NME7: variants seen among roughly 807,000 people sequenced by gnomAD.
NME7 encodes nucleoside diphosphate kinase 7.
Under a neutral mutation model 49.1 loss-of-function variants are expected in NME7, and 41 were observed. The ratio of observed to expected loss-of-function variants is 0.83; its 90% CI spans 0.65 to 1.08. The LOEUF (loss-of-function observed/expected upper bound fraction) is 1.08. Among genes scored for constraint, NME7 ranks in the 50% least tolerant of loss-of-function variants. The probability of loss-of-function intolerance (pLI) is 0.00; values close to 1 mark genes in which losing one functional copy is unlikely to be tolerated. For synonymous variants in NME7, 139 were observed against 150.6 expected (o/e 0.92, Z 0.56); for missense variants, 423 against 463.4 (o/e 0.91, Z 0.80).
intron 9 of NME7, among the ~76,000 whole-genome samples, chr1:169,233,619 G>A (rs1571312304): frequency 6.6e-6 from 1 of 152,132 alleles, no homozygotes; most frequent in East Asian, 1.9e-4. Flanking sequence ...AGCTAAAAGA[G>A]GAGGAAAAGG....
chr1:169,283,724 T>C (rs1650141325), intron 7 of NME7: 1 of 152,198 alleles, frequency 6.6e-6, no homozygotes, highest in Non-Finnish European at 1.5e-5. Context: ...TGGCTGGATA[T>C]GAAATTCTGG....
intron 10 of NME7, among the ~76,000 whole-genome samples, chr1:169,180,704 AGAAGT>A (rs1373866556): frequency 1.3e-5 from 2 of 152,244 alleles, no homozygotes; most frequent in Non-Finnish European, 2.9e-5. Context: ...CACATTAATA[AGAAGT>A]GAAATTAATT....
At position 169,256,345 on chromosome 1, in the gene NME7, G is replaced by C. The variant is rs960939459; in HGVS notation, c.755-18658C>G. ...TCCATCACTGAAACCCTTTCTTCCA[G>C]TTGATCGCATCGACTCCTGAGGCTT... On this transcript the variant is annotated intron_variant, in intron 7 of 11. Transcript: ENST00000367811. Among the ~76,000 whole-genome samples the C allele has an allele frequency of 6.0e-5, 8 of 133,934 alleles. 2 individuals carry two copies. Among genetic ancestry groups the C allele is most frequent in the Non-Finnish European group, 1.2e-4 (7 of 56,978 alleles). The allele number at this position is 133,934 out of a possible 152,430, so 87.9% of individuals were successfully genotyped here.
At chr1:169,343,844 G>A (rs1034275317) in intron 1 of NME7, among the ~76,000 whole-genome samples, 1 of 152,124 alleles carries the variant, frequency 6.6e-6, no homozygotes, top group African/African-American at 2.4e-5. Flanking sequence ...AAACCAGAAA[G>A]TATAAGTCTT....
intron 7 of NME7, among the ~76,000 whole-genome samples, chr1:169,282,739 T>C (rs1650075943): frequency 6.6e-6 from 1 of 152,226 alleles, no homozygotes; most frequent in African/African-American, 2.4e-5. Flanking sequence ...GTTGTTCAGT[T>C]TCCATGTATT....
At chr1:169,168,103 A>T (rs1448184111) in intron 11 of NME7, among the ~76,000 whole-genome samples, 3 of 152,178 alleles carry the variant, frequency 2.0e-5, no homozygotes, top group African/African-American at 4.8e-5. Context: ...AGATCTCAGG[A>T]GTTGGGCAAG....
chr1:169,177,346 CTTGCTG>C (rs1178642035), intron 10 of NME7, among the ~76,000 whole-genome samples: 6 of 152,210 alleles, frequency 3.9e-5, no homozygotes, highest in African/African-American at 1.4e-4. Context: ...AGATTTTATA[CTTGCTG>C]GTCTATCTGG....
intron 3 of NME7, among the ~76,000 whole-genome samples, chr1:169,321,824 G>A (rs1651861028): frequency 6.6e-6 from 1 of 151,974 alleles, no homozygotes; most frequent in African/African-American, 2.4e-5. Flanking sequence ...TCAAAAAATA[G>A]TTTGATTGAT....
At chr1:169,258,214 G>A (rs1273982798) in intron 7 of NME7, among the ~76,000 whole-genome samples, 1 of 127,394 alleles carries the variant, frequency 7.8e-6, no homozygotes, top group Admixed American at 7.8e-5. Context: ...GCACGTGTCT[G>A]TAGTGCCAGC....
At chr1:169,146,022 T>C (rs1658737535) in intron 11 of NME7, among the ~76,000 whole-genome samples, 1 of 152,222 alleles carries the variant, frequency 6.6e-6, no homozygotes, top group South Asian at 2.1e-4. Flanking sequence ...GCTTCTAGCA[T>C]ACCTGTAACC....
chr1:169,319,046 T>C, intron 3 of NME7, among the ~76,000 whole-genome samples: 1 of 150,688 alleles, frequency 6.6e-6, no homozygotes, highest in Non-Finnish European at 1.5e-5. Flanking sequence ...TTAATTTTAA[T>C]TTTAATTTTA....
intron 1 of NME7, among the ~76,000 whole-genome samples, chr1:169,353,540 T>C (rs927644885): frequency 6.6e-6 from 1 of 151,974 alleles, no homozygotes; most frequent in Non-Finnish European, 1.5e-5. Context: ...AAAGCAATCA[T>C]GGATAAATTG....
chr1:169,236,548 A>C (rs1014524105), intron 8 of NME7, among the ~76,000 whole-genome samples: 2 of 152,080 alleles, frequency 1.3e-5, no homozygotes, highest in Non-Finnish European at 2.9e-5. Flanking sequence ...ACATTTCTAT[A>C]TTTTTTTAAA....
At chr1:169,134,997 A>G (rs1658381749) in intron 11 of NME7, among the ~76,000 whole-genome samples, 1 of 97,658 alleles carries the variant, frequency 1.0e-5, no homozygotes, top group Non-Finnish European at 2.0e-5. Context: ...CAACATAAGG[A>G]GATCCCCCCG....
intron 1 of NME7, among the ~76,000 whole-genome samples, chr1:169,341,148 T>C (rs1023767721): frequency 1.3e-5 from 2 of 151,616 alleles, no homozygotes; most frequent in African/African-American, 4.9e-5. Context: ...GAGAGAAAAA[T>C]GGTTTTGTGG....
At chr1:169,174,453 T>G (rs1056084125) in intron 10 of NME7, among the ~76,000 whole-genome samples, 3 of 152,136 alleles carry the variant, frequency 2.0e-5, no homozygotes, top group African/African-American at 7.2e-5. Flanking sequence ...AATTTACTAA[T>G]TACAGAAAAA....
intron 7 of NME7, among the ~76,000 whole-genome samples, chr1:169,262,640 G>C (rs78696996): frequency 7.5e-6 from 1 of 132,806 alleles, no homozygotes; most frequent in Admixed American, 7.3e-5. Context: ...CCAGTCTGTC[G>C]GGGCTCAGTG....
At chr1:169,210,612 C>T (rs1416012052) in intron 10 of NME7, among the ~76,000 whole-genome samples, 2 of 145,752 alleles carry the variant, frequency 1.4e-5, no homozygotes, top group African/African-American at 2.5e-5. Context: ...ACACACACTC[C>T]ATCAGAATAA....
At chr1:169,306,888 T>C (rs764558407) in intron 4 of NME7, among the ~76,000 whole-genome samples, 1 of 152,144 alleles carries the variant, frequency 6.6e-6, no homozygotes, top group African/African-American at 2.4e-5. Context: ...GAATACCTAA[T>C]TGAAATCATA....
Sources: allele counts gnomAD v4.1 joint callset (sites outside exome capture counted in the v4.1 genomes callset), GRCh38; gene constraint gnomAD v4.1.1; transcripts MANE v1.5; gene names NCBI Gene and HGNC (gene_info 2026-07-23, HGNC 2026-07-21).